The following ERC2 variants were observed in gnomAD, a reference collection of about 807,000 sequenced individuals.
ERC2 encodes ERC protein 2.
ERC2 carries 42 observed loss-of-function variants against 114.8 expected under a neutral mutation model. The ratio of observed to expected loss-of-function variants is 0.37; its 90% confidence interval spans 0.29 to 0.47. ERC2 has a LOEUF of 0.47. Ranked by LOEUF, ERC2 falls within the 20% of genes least tolerant of loss-of-function variation. The pLI, the probability that ERC2 is intolerant of heterozygous loss-of-function variation, is 0.99. For missense variants in ERC2, 939 were observed against 1,150.7 expected (o/e 0.82, Z 2.66); for synonymous variants, 454 against 425.5 (o/e 1.07, Z -0.82).
intron 14 of ERC2, among the ~76,000 whole-genome samples, chr3:55,855,538 T>C (rs1289085957): frequency 6.6e-6 from 1 of 152,234 alleles, no homozygotes; most frequent in Non-Finnish European, 1.5e-5. Context: ...GACATTTCTT[T>C]GGTAGGGGGG....
chr3:56,098,440 T>A (rs1190696516), intron 6 of ERC2, among the ~76,000 whole-genome samples: 1 of 152,102 alleles, frequency 6.6e-6, no homozygotes, highest in Non-Finnish European at 1.5e-5. Flanking sequence ...ACCAGAAACA[T>A]GAACAACCAC....
At chr3:56,300,998 C>T (rs2055836298) in intron 2 of ERC2, among the ~76,000 whole-genome samples, 1 of 152,098 alleles carries the variant, frequency 6.6e-6, no homozygotes, top group South Asian at 2.1e-4. Flanking sequence ...ACCTGTAATC[C>T]CAGCACTTCG....
chr3:55,539,411 C>CTTTTTTTTTTTTTTTTTTTTTT (rs1559619170), intron 17 of ERC2, among the ~76,000 whole-genome samples: 7 of 49,064 alleles, frequency 1.4e-4, no homozygotes, highest in Admixed American at 2.9e-4. Context: ...CTCTTTTTTT[C>CTTTTTTTTTTTTTTTTTTTTTT]TTTCTTTTTT....
intron 3 of ERC2, among the ~76,000 whole-genome samples, chr3:56,234,693 C>G (rs1222808862): frequency 6.6e-6 from 1 of 152,186 alleles, no homozygotes; most frequent in Non-Finnish European, 1.5e-5. Flanking sequence ...GGGCCAGCAT[C>G]TGGTGAGAGC....
chr3:55,917,433 A>C (rs1355266746), intron 13 of ERC2, among the ~76,000 whole-genome samples: 1 of 152,180 alleles, frequency 6.6e-6, no homozygotes, highest in East Asian at 1.9e-4. Flanking sequence ...ATACTAATAC[A>C]TGCTGCCACA....
At chr3:55,520,462 A>G (rs2107198044) in intron 17 of ERC2, among the ~76,000 whole-genome samples, 1 of 151,886 alleles carries the variant, frequency 6.6e-6, no homozygotes, top group African/African-American at 2.4e-5. Flanking sequence ...ATCTAAGAAG[A>G]GAGAAAATAC....
At chr3:56,120,223 C>T (rs2079496939) in intron 6 of ERC2, among the ~76,000 whole-genome samples, 1 of 152,146 alleles carries the variant, frequency 6.6e-6, no homozygotes, top group African/African-American at 2.4e-5. Flanking sequence ...CCTCTGGTTC[C>T]TAAGGGGAAG....
At chr3:56,280,948 G>A (rs1347190712) in intron 3 of ERC2, among the ~76,000 whole-genome samples, 1 of 152,188 alleles carries the variant, frequency 6.6e-6, no homozygotes, top group East Asian at 1.9e-4. Context: ...TTGGCACTTA[G>A]TTGAGTGCCC....
chr3:55,881,546 A>G (rs533267690), intron 14 of ERC2, among the ~76,000 whole-genome samples: 2 of 152,344 alleles, frequency 1.3e-5, no homozygotes, highest in East Asian at 3.9e-4. Context: ...AATGAAAAAT[A>G]TCAATTAGGA....
chr3:55,520,514 AAACACACCTTGAATACTGTGG>A (rs2052853921), intron 17 of ERC2, among the ~76,000 whole-genome samples: 1 of 152,102 alleles, frequency 6.6e-6, no homozygotes, highest in Admixed American at 6.5e-5. Flanking sequence ...GGAAAGGGAG[AAACACACCTTGAATACTGTGG>A]AACACATCTT....
At chr3:55,560,973 A>G (rs1008692590) in intron 17 of ERC2, among the ~76,000 whole-genome samples, 10 of 151,796 alleles carry the variant, frequency 6.6e-5, no homozygotes, top group Non-Finnish European at 1.5e-4. Flanking sequence ...TCCCAACAAG[A>G]CTCGGCCTTT....
intron 17 of ERC2, among the ~76,000 whole-genome samples, chr3:55,582,293 A>T (rs1479039657): frequency 1.3e-5 from 2 of 152,174 alleles, no homozygotes; most frequent in African/African-American, 4.8e-5. Context: ...CTTGACACAG[A>T]TCCCTGCTCC....
intron 14 of ERC2, among the ~76,000 whole-genome samples, chr3:55,798,173 G>A (rs1575628865): frequency 6.6e-6 from 1 of 152,152 alleles, no homozygotes; most frequent in South Asian, 2.1e-4. Context: ...AAAGATAATG[G>A]CTAATAATTA....
chr3:56,088,329 C>T (rs529893855), intron 6 of ERC2, among the ~76,000 whole-genome samples: 37 of 152,216 alleles, frequency 2.4e-4, no homozygotes, highest in African/African-American at 8.7e-4. Flanking sequence ...GCAAAATAGG[C>T]ACCTTAAAAC....
At chr3:55,581,548 T>C (rs1182230293) in intron 17 of ERC2, among the ~76,000 whole-genome samples, 3 of 152,140 alleles carry the variant, frequency 2.0e-5, no homozygotes, top group African/African-American at 4.8e-5. Flanking sequence ...TGGCCAGCAC[T>C]ATTTCCAGGT....
At chr3:56,267,335 A>T (rs916693890) in intron 3 of ERC2, among the ~76,000 whole-genome samples, 13 of 152,236 alleles carry the variant, frequency 8.5e-5, no homozygotes, top group African/African-American at 3.1e-4. Flanking sequence ...GCTATAAGAC[A>T]TTATGCTAAC....
At chr3:56,357,525 C>A (rs1259061912) in intron 2 of ERC2, among the ~76,000 whole-genome samples, 1 of 152,008 alleles carries the variant, frequency 6.6e-6, no homozygotes, top group Non-Finnish European at 1.5e-5. Context: ...GAGCTCCCAG[C>A]ACAGGGTCCT....
At chr3:55,727,543 T>C (rs980327400) in intron 15 of ERC2, among the ~76,000 whole-genome samples, 1 of 152,196 alleles carries the variant, frequency 6.6e-6, no homozygotes, top group Non-Finnish European at 1.5e-5. Flanking sequence ...CTAACCCAAA[T>C]GTCAACACCT....
intron 14 of ERC2, among the ~76,000 whole-genome samples, chr3:55,846,917 G>A (rs2061395239): frequency 1.3e-5 from 2 of 152,172 alleles, no homozygotes; most frequent in South Asian, 4.1e-4. Context: ...GCAAGTTCCA[G>A]ACCCACTGCT....
Sources: gnomAD v4.1 joint callset for allele counts (sites outside exome capture counted in the v4.1 genomes callset) on GRCh38, gnomAD v4.1.1 for gene constraint, MANE v1.5 for transcripts, NCBI Gene and HGNC (gene_info 2026-07-23, HGNC 2026-07-21) for gene names.